The following CDH11 variants were observed in gnomAD, a reference collection of about 807,000 sequenced individuals.
CDH11 encodes the protein cadherin 11, also known as cadherin-11.
A neutral mutation model predicts 67.8 loss-of-function variants in CDH11; 11 were observed. That is an observed-to-expected ratio of 0.16 (90% CI 0.10 to 0.27). The LOEUF is 0.27. Ranked by LOEUF, CDH11 falls within the 10% of genes least tolerant of loss-of-function variation. The pLI, the probability that CDH11 is intolerant of heterozygous loss-of-function variation, is 1.00. For synonymous variants in CDH11, 419 were observed against 400.0 expected, an observed-to-expected ratio of 1.05 and a Z score of -0.57; for missense variants, 847 against 1,031.2, an observed-to-expected ratio of 0.82 and a Z score of 2.45.
chr16:65,057,263 C>T (rs2074158691), intron 1 of CDH11, among the ~76,000 whole-genome samples: 1 of 152,148 alleles, frequency 6.6e-6, no homozygotes, highest in Non-Finnish European at 1.5e-5. Flanking sequence ...CAGGAAACCA[C>T]ACTCCAGCCT....
At chr16:65,011,437 A>G (rs955821858) in intron 2 of CDH11, among the ~76,000 whole-genome samples, 3 of 152,274 alleles carry the variant, frequency 2.0e-5, no homozygotes, top group Non-Finnish European at 2.9e-5. Flanking sequence ...AAGTAAATAC[A>G]ATCAGACTTT....
In CDH11 at chr16:65,020,937, C is replaced by T. The variant is rs904261641; in HGVS notation, c.-172-15896G>A. ...CATGCAATTTCTAGGGCTTAATAAG[C>T]AGGCACAGTTGGAAGGCAAAACACC... On this transcript the variant is annotated intron_variant, in intron 2 of 12. Coordinates refer to ENST00000268603, the MANE Select transcript of CDH11 (RefSeq NM_001797.4). Among the ~76,000 whole-genome samples the T allele has an allele frequency of 4.6e-5, 7 of 151,956 alleles. No homozygotes were observed. The East Asian group carries it at 1.4e-3, about 29-fold the overall frequency.
chr16:65,105,288 T>C (rs2075049524), intron 1 of CDH11, among the ~76,000 whole-genome samples: 1 of 152,194 alleles, frequency 6.6e-6, no homozygotes, highest in African/African-American at 2.4e-5. Flanking sequence ...AGGAAAAGGC[T>C]GAACCGAATA....
chr16:64,991,540 GT>G (rs1260526135), intron 6 of CDH11: 1 of 483,722 alleles, frequency 2.1e-6, no homozygotes, highest in Non-Finnish European at 3.7e-6. Flanking sequence ...TGTTTCCAGG[GT>G]TGTAGAACTT....
At position 65,015,044 on chromosome 16, in the gene CDH11, T is replaced by TATC. The variant is rs1329557149; in HGVS notation, c.-172-10004_-172-10003insGAT. On this transcript the variant is annotated intron_variant, in intron 2 of 12. Coordinates refer to ENST00000268603, the MANE Select transcript of CDH11 (RefSeq NM_001797.4). ...TTATTATTATTATTATTATTATTAT[T>TATC]ATTATTATTGAGAGACTGGGTTTCT... is the stretch of plus-strand genomic sequence containing the variant. 8.1e-5 allele frequency among the ~76,000 whole-genome samples: 12 copies of TATC among 147,988 alleles called. No individual in the cohort carries two copies. The East Asian group carries it at 1.8e-3, about 22-fold the overall frequency.
chr16:65,071,196 G>C (rs1287617659), intron 1 of CDH11, among the ~76,000 whole-genome samples: 1 of 152,180 alleles, frequency 6.6e-6, no homozygotes, highest in Non-Finnish European at 1.5e-5. Flanking sequence ...AAAATGAAAG[G>C]AGGTCAAGGC....
At chr16:65,038,884 A>C (rs2142654739) in intron 2 of CDH11, among the ~76,000 whole-genome samples, 1 of 152,334 alleles carries the variant, frequency 6.6e-6, no homozygotes, top group East Asian at 1.9e-4. Context: ...TTTCACAGGG[A>C]TGCTCTAAGA....
At chr16:64,977,659 TA>T (rs1270710081) in intron 8 of CDH11, among the ~76,000 whole-genome samples, 1 of 152,170 alleles carries the variant, frequency 6.6e-6, no homozygotes, top group Non-Finnish European at 1.5e-5. Context: ...GCTGCTGGGT[TA>T]AAGTAAAAAG....
chr16:65,093,509 C>G (rs2074830469), intron 1 of CDH11, among the ~76,000 whole-genome samples: 1 of 151,990 alleles, frequency 6.6e-6, no homozygotes, highest in Non-Finnish European at 1.5e-5. Context: ...CTTCCCAAAA[C>G]CCACACCTCT....
intron 2 of CDH11, among the ~76,000 whole-genome samples, chr16:65,028,973 C>A (rs1597109955): frequency 6.6e-6 from 1 of 152,104 alleles, no homozygotes; most frequent in African/African-American, 2.4e-5. Flanking sequence ...AGCAGGCATA[C>A]TTTCAGTTAA....
intron 2 of CDH11, among the ~76,000 whole-genome samples, chr16:65,046,382 A>C (rs899056460): frequency 6.6e-6 from 1 of 152,212 alleles, no homozygotes; most frequent in African/African-American, 2.4e-5. Context: ...ATCCTTTCCC[A>C]AAGATCAAGT....
At chr16:65,030,252 A>G (rs929018060) in intron 2 of CDH11, among the ~76,000 whole-genome samples, 2 of 152,206 alleles carry the variant, frequency 1.3e-5, no homozygotes, top group Non-Finnish European at 2.9e-5. Context: ...GATTCAAATA[A>G]ACAGCAATAG....
chr16:65,043,121 C>T (rs2073894437), intron 2 of CDH11, among the ~76,000 whole-genome samples: 2 of 152,172 alleles, frequency 1.3e-5, no homozygotes, highest in Non-Finnish European at 1.5e-5. Context: ...AATTTAAGTT[C>T]CTTGTAACCA....
chr16:64,951,970 C>G (rs1567484250), intron 11 of CDH11, among the ~76,000 whole-genome samples: 1 of 152,118 alleles, frequency 6.6e-6, no homozygotes, highest in Non-Finnish European at 1.5e-5. Flanking sequence ...GGTGGAGGAT[C>G]AGATATTATT....
chr16:64,962,382 C>T (rs2071695402), intron 11 of CDH11, among the ~76,000 whole-genome samples: 1 of 152,006 alleles, frequency 6.6e-6, no homozygotes, highest in Non-Finnish European at 1.5e-5. Context: ...AAGAGCCGTC[C>T]CCAGATTGGA....
At chr16:65,058,745 C>A (rs1376971827) in intron 1 of CDH11, among the ~76,000 whole-genome samples, 6 of 152,118 alleles carry the variant, frequency 3.9e-5, no homozygotes, top group Non-Finnish European at 5.9e-5. Flanking sequence ...TCAAGTTTTT[C>A]CTCCTCCAAG....
rs752225282 is a variant in CDH11 at position 65,073,798 on chromosome 16, GA to G, written c.-297-19871del. Among the ~76,000 whole-genome samples, 10 of 152,236 alleles carry G rather than the reference GA, an allele frequency of 6.6e-5. No individual in the cohort carries two copies. The East Asian group carries it at 1.9e-3, about 29-fold the overall frequency. On this transcript the variant is annotated intron_variant, in intron 1 of 12. Transcript: ENST00000268603. Reference sequence around the variant, plus strand: ...GCAGACTCTGCTCCAGCAGGTCTGGGAAAAGGGATGAGGTCCAGGTCCTGCC... The same window carrying G: ...GCAGACTCTGCTCCAGCAGGTCTGGGAAAGGGATGAGGTCCAGGTCCTGCC...
At chr16:64,972,093 A>G (rs747796001) in intron 9 of CDH11, 29 bp from the exon 10 acceptor site, 2 of 1,610,888 alleles carry the variant, frequency 1.2e-6, no homozygotes, top group Non-Finnish European at 1.7e-6. Context: ...GACAGTCAAG[A>G]AAGGTCAAGG....
intron 1 of CDH11, among the ~76,000 whole-genome samples, chr16:65,078,585 T>C (rs2074556431): frequency 1.3e-5 from 2 of 152,164 alleles, no homozygotes; most frequent in African/African-American, 2.4e-5. Flanking sequence ...TTCCAGAAAC[T>C]TCATAGGACA....
Sources: allele counts gnomAD v4.1 joint callset (sites outside exome capture counted in the v4.1 genomes callset), GRCh38; gene constraint gnomAD v4.1.1; transcripts MANE v1.5; gene names NCBI Gene and HGNC (gene_info 2026-07-23, HGNC 2026-07-21).